OGDH: variants seen among roughly 807,000 people sequenced by gnomAD.
OGDH encodes the protein oxoglutarate dehydrogenase, also known as 2-oxoglutarate dehydrogenase complex component E1.
In OGDH, 38 loss-of-function variants were observed where a neutral mutation model predicts 116.6. The observed-to-expected ratio is 0.33, with a 90% CI of 0.25 to 0.43. The LOEUF (loss-of-function observed/expected upper bound fraction) is 0.43. Ranked by LOEUF, OGDH falls within the 20% of genes least tolerant of loss-of-function variation. The probability of loss-of-function intolerance (pLI) is 1.00; values close to 1 mark genes in which losing one functional copy is unlikely to be tolerated. For synonymous variants in OGDH, 488 were observed against 533.3 expected (o/e 0.92, Z 1.17); for missense variants, 825 against 1,357.2 (o/e 0.61, Z 6.16).
At position 44,666,998 on chromosome 7, in the gene OGDH, A is replaced by G. The variant is rs1260343849; in HGVS notation, c.633+147A>G. 7 of 576,448 alleles carry G rather than the reference A, an allele frequency of 1.2e-5. No homozygotes were observed. The Admixed American group carries it at 1.7e-4, about 14-fold the overall frequency. The allele number at this position is 576,448 out of a possible 1,614,324, so 35.7% of individuals were successfully genotyped here. ...ACAGAGTTACTGTCACCCAGGCTAG[A>G]ATGCAGTGACACAGTTTGGCTCACT... On this transcript the variant is annotated intron_variant, in intron 5 of 22. Coordinates refer to ENST00000222673, the MANE Select transcript of OGDH (RefSeq NM_002541.4).
At position 44,707,415 on chromosome 7, in the gene OGDH, G is replaced by A. The variant is rs1440346474; in HGVS notation, c.2796+27G>A. 2.5e-6 allele frequency: 4 copies of A among 1,613,360 alleles called. No individual in the cohort carries two copies. The highest frequency in any genetic ancestry group is 4.5e-5 in the East Asian group (2 of 44,890). Reference sequence around the variant, plus strand: ...TGAGGGCAGGTGGTGCCATCAGGGTGTCCCCCCAGCGGGGGTCAGGGCTCT... The same window carrying A: ...TGAGGGCAGGTGGTGCCATCAGGGTATCCCCCCAGCGGGGGTCAGGGCTCT... On this transcript the variant is annotated intron_variant, in intron 21 of 22. Coordinates refer to ENST00000222673, the MANE Select transcript of OGDH (RefSeq NM_002541.4). This position sits in a 1 kb window ranked among gnomAD's most constrained non-coding sequence, Gnocchi z 5.2.
At chr7:44,639,773 G>C (rs1473131699) in intron 2 of OGDH, among the ~76,000 whole-genome samples, 1 of 152,196 alleles carries the variant, frequency 6.6e-6, no homozygotes, top group Non-Finnish European at 1.5e-5. Context: ...CAGTGGTGTG[G>C]GAACTGAGCC....
rs990737329 is a variant in OGDH at position 44,694,119 on chromosome 7, T to C, written c.1515+115T>C. 2.6e-6 allele frequency: 3 copies of C among 1,153,512 alleles called. No individual in the cohort carries two copies. Among genetic ancestry groups the C allele is most frequent in the Non-Finnish European group, 1.2e-6 (1 of 827,382 alleles). 71.5% of individuals were successfully genotyped at this position (1,153,512 alleles called of 1,614,324 possible). A position where few individuals can be genotyped will look rare whatever the true frequency, so the allele number is the denominator to read the frequency against. ...TTGTCTAGATGAGTCACCTCAGGGCTCTCTACTGCCAGGCCTCATGCTGGT... is the reference window on the plus strand; with the variant it reads ...TTGTCTAGATGAGTCACCTCAGGGCCCTCTACTGCCAGGCCTCATGCTGGT... On this transcript the variant is annotated intron_variant, in intron 11 of 22. Transcript: ENST00000222673. The surrounding 1 kb of genome is among the most constrained non-coding windows in gnomAD (Gnocchi z 4.2).
At chr7:44,703,664 G>A (rs1195005736) in intron 20 of OGDH, among the ~76,000 whole-genome samples, 1 of 152,128 alleles carries the variant, frequency 6.6e-6, no homozygotes, top group Non-Finnish European at 1.5e-5. Flanking sequence ...AGGTTGCAGT[G>A]AGCCAAGATT....
chr7:44,616,786 T>TATGC (rs1784799473), intron 1 of OGDH, among the ~76,000 whole-genome samples: 1 of 62,782 alleles, frequency 1.6e-5, no homozygotes, highest in Non-Finnish European at 4.5e-5. Context: ...TGTATATGCA[T>TATGC]ATATATATGT....
chr7:44,629,193 T>A (rs968225171), intron 2 of OGDH, among the ~76,000 whole-genome samples: 11 of 152,244 alleles, frequency 7.2e-5, no homozygotes, highest in African/African-American at 2.4e-4. Context: ...TAAGCCCCCA[T>A]GAGTCTGGGT....
rs1000828162 is a variant in OGDH at position 44,608,720 on chromosome 7, C to CA, written c.-28+2077dup. Among the ~76,000 whole-genome samples the CA allele has an allele frequency of 9.6e-4, 135 of 139,976 alleles. 1 individual carries two copies. The highest frequency in any genetic ancestry group is 2.6e-3 in the African/African-American group (97 of 38,028). The allele number at this position is 139,976 out of a possible 152,430, so 91.8% of individuals were successfully genotyped here. The stretch of plus-strand genomic sequence containing the variant: ...TGAGCGACAGAGCAAGACTCCATCT[C>CA]AAAAAAAAAAGGAAAGAAAAAACTA... On this transcript the variant is annotated intron_variant, in intron 1 of 22. Coordinates refer to ENST00000222673, the MANE Select transcript of OGDH (RefSeq NM_002541.4).
chr7:44,637,268 T>A (rs1785711818), intron 2 of OGDH, among the ~76,000 whole-genome samples: 1 of 152,206 alleles, frequency 6.6e-6, no homozygotes, highest in South Asian at 2.1e-4. Flanking sequence ...ACCTTGCCTT[T>A]AGGGCTCAGA....
chr7:44,648,719 G>C (rs916404248), intron 4 of OGDH, among the ~76,000 whole-genome samples: 2 of 152,100 alleles, frequency 1.3e-5, no homozygotes, highest in African/African-American at 4.8e-5. Flanking sequence ...TAGGGGATGA[G>C]GCATTAATCA....
At chr7:44,688,739 C>T (rs1465442336) in intron 10 of OGDH, among the ~76,000 whole-genome samples, 2 of 151,828 alleles carry the variant, frequency 1.3e-5, no homozygotes, top group Non-Finnish European at 2.9e-5. Context: ...CTTATATATA[C>T]ATTTTTTGTT....
chr7:44,635,555 G>A (rs1285124150), intron 2 of OGDH, among the ~76,000 whole-genome samples: 2 of 152,148 alleles, frequency 1.3e-5, no homozygotes, highest in Admixed American at 1.3e-4. Flanking sequence ...AGCTGGAGTG[G>A]CGTCTGTAGG....
intron 4 of OGDH, among the ~76,000 whole-genome samples, chr7:44,649,903 G>A (rs1786358414): frequency 6.6e-6 from 1 of 152,156 alleles, no homozygotes; most frequent in Non-Finnish European, 1.5e-5. Context: ...TGTGGTTCCA[G>A]ATTCAGCAAC....
chr7:44,632,442 A>G (rs564060450), intron 2 of OGDH, among the ~76,000 whole-genome samples: 167 of 152,336 alleles, frequency 1.1e-3, no homozygotes, highest in African/African-American at 3.7e-3. Context: ...AGCTGGGAGT[A>G]CAGGTGCACA....
chr7:44,653,568 C>T (rs1024068990), intron 4 of OGDH, among the ~76,000 whole-genome samples: 2 of 152,148 alleles, frequency 1.3e-5, no homozygotes, highest in African/African-American at 4.8e-5. Flanking sequence ...TTTCTGTAGC[C>T]CAGGCTGGAA....
chr7:44,677,626 T>C (rs1360526091), intron 9 of OGDH, among the ~76,000 whole-genome samples: 1 of 151,954 alleles, frequency 6.6e-6, no homozygotes, highest in Non-Finnish European at 1.5e-5. Flanking sequence ...CCCAGCACTT[T>C]GGGAGGCTGA....
Position 44,624,291 on chromosome 7 carries a change from G to GTTTTTTTT in OGDH, c.-27-14_-27-7dup, listed in dbSNP as rs200113572. 5.7e-5 allele frequency: 43 copies of GTTTTTTTT among 760,344 alleles called. 9 individuals carry two copies. The highest frequency in any genetic ancestry group is 1.4e-4 in the Admixed American group (5 of 35,296). 47.1% of individuals were successfully genotyped at this position (760,344 alleles called of 1,614,324 possible). ...CTCATTTTTAAAACCTTTCTTTCTT[G>GTTTTTTTT]TTTTTTTTTTTTTTTTTTTGTACAG... On this transcript the variant is annotated intron_variant, in intron 1 of 22. Coordinates refer to ENST00000222673, the MANE Select transcript of OGDH (RefSeq NM_002541.4).
At chr7:44,682,435 C>T (rs1487023510) in intron 10 of OGDH, among the ~76,000 whole-genome samples, 1 of 149,980 alleles carries the variant, frequency 6.7e-6, no homozygotes, top group Non-Finnish European at 1.5e-5. Context: ...TGGTGGCCCA[C>T]AAATGTAATC....
At chr7:44,632,150 T>C (rs1785469699) in intron 2 of OGDH, among the ~76,000 whole-genome samples, 1 of 152,028 alleles carries the variant, frequency 6.6e-6, no homozygotes, top group African/African-American at 2.4e-5. Flanking sequence ...CCTCAGCAGG[T>C]AGAAGGAGAG....
At chr7:44,636,361 C>A (rs371741438) in intron 2 of OGDH, among the ~76,000 whole-genome samples, 1 of 152,238 alleles carries the variant, frequency 6.6e-6, no homozygotes, top group African/African-American at 2.4e-5. Context: ...CCTCAAGACT[C>A]CCAACTGCTG....
Sources: gnomAD v4.1 joint callset for allele counts (sites outside exome capture counted in the v4.1 genomes callset) on GRCh38, gnomAD v4.1.1 for gene constraint, Gnocchi (gnomAD v3.1) non-coding constraint, MANE v1.5 for transcripts, NCBI Gene and HGNC (gene_info 2026-07-23, HGNC 2026-07-21) for gene names.